The following DUOXA1 variants were observed in gnomAD, a reference collection of about 807,000 sequenced individuals.
DUOXA1 encodes dual oxidase maturation factor 1.
A neutral mutation model predicts 26.6 loss-of-function variants in DUOXA1; 19 were observed. The observed-to-expected ratio is 0.71, with a 90% CI of 0.50 to 1.05. The LOEUF (loss-of-function observed/expected upper bound fraction) is 1.05. DUOXA1 is among the 50% of genes least tolerant of loss of function. The probability of loss-of-function intolerance (pLI) is 0.00; values close to 1 mark genes in which losing one functional copy is unlikely to be tolerated. For synonymous variants in DUOXA1, 166 were observed against 177.0 expected, an observed-to-expected ratio of 0.94 and a Z score of 0.49; for missense variants, 403 against 427.5, an observed-to-expected ratio of 0.94 and a Z score of 0.51.
intron 8 of DUOXA1, among the ~76,000 whole-genome samples, chr15:45,119,633 G>T (rs1483314703): frequency 2.0e-5 from 3 of 152,014 alleles, no homozygotes; most frequent in African/African-American, 7.3e-5. Flanking sequence ...CTGAAAATAG[G>T]GAGAGAAAAG....
In DUOXA1 at chr15:45,124,508, T is replaced by TTTTG. The variant is rs1018447534; in HGVS notation, c.-29-1469_-29-1466dup. Among the ~76,000 whole-genome samples, 13 of 152,252 alleles carry TTTTG rather than the reference T, an allele frequency of 8.5e-5. No individual in the cohort carries two copies. In the South Asian group the frequency reaches 1.0e-3, roughly 12 times the overall value. On this transcript the variant is annotated intron_variant, in intron 3 of 8. Coordinates refer to ENST00000560572, the MANE Select transcript of DUOXA1 (RefSeq NM_001276266.2). Reference sequence around the variant, plus strand: ...TTTATTAAGTTCTTATGTTCCATTATTTTGTTTGTTTGTTTGTTTGAGACA... The same window carrying TTTTG: ...TTTATTAAGTTCTTATGTTCCATTATTTTGTTTGTTTGTTTGTTTGTTTGAGACA...
chr15:45,123,447 A>G (rs2470667), intron 3 of DUOXA1, among the ~76,000 whole-genome samples: 128,565 of 152,200 alleles, frequency 0.84, 57,120 homozygotes, highest in Non-Finnish European at 0.97. Context: ...GTGAAGGCAT[A>G]AGGTGAAAGA....
chr15:45,118,099 T>G lies in DUOXA1; in HGVS notation c.*1007A>C, dbSNP rs1285085406. ...AAATAAACCTTTTTTTCTTTTGTTTTTTAAAAACTGTTTTTCCCATTAATT... is the reference window on the plus strand; with the variant it reads ...AAATAAACCTTTTTTTCTTTTGTTTGTTAAAAACTGTTTTTCCCATTAATT... On this transcript the variant is annotated 3_prime_UTR_variant, in exon 9 of 9. Coordinates refer to ENST00000560572, the MANE Select transcript of DUOXA1 (RefSeq NM_001276266.2). The G allele has an allele frequency of 1.3e-6, 2 of 1,503,932 alleles. No individual in the cohort carries two copies. The highest frequency in any genetic ancestry group is 1.4e-5 in the African/African-American group (1 of 71,296). The allele number at this position is 1,503,932 out of a possible 1,614,324, so 93.2% of individuals were successfully genotyped here.
rs1294030955 is a variant in DUOXA1 at position 45,123,775 on chromosome 15, C to T, written c.-29-732G>A. Among the ~76,000 whole-genome samples the T allele has an allele frequency of 2.6e-5, 4 of 152,212 alleles. No homozygotes were observed. The East Asian group carries it at 5.8e-4, about 22-fold the overall frequency. ...GGCCCTTCTCTTTGATTCAAATTCCCAGGCCAAGTTTCAGCTCAAACGCTA... is the reference window on the plus strand; with the variant it reads ...GGCCCTTCTCTTTGATTCAAATTCCTAGGCCAAGTTTCAGCTCAAACGCTA... On this transcript the variant is annotated intron_variant, in intron 3 of 8. Transcript: ENST00000560572.
chr15:45,122,134 G>T, intron 5 of DUOXA1, 51 bp downstream of exon 5: 2 of 1,552,472 alleles, frequency 1.3e-6, no homozygotes, highest in Non-Finnish European at 8.7e-7. Context: ...GCTGCTGAGG[G>T]AGTTGAAGGG....
chr15:45,120,693 T>C lies in DUOXA1; in HGVS notation c.453A>G (p.Pro151=). ...TCTCAGCTAGGTACAACACAGGGTC[T>C]GGCAGCCCCTTCTCCAGAGCCTTTG... The part of the protein sequence containing the change: ...EYAKALEKGL[P]DPVLYLAEKF... Residue 151 remains proline, a synonymous_variant, in exon 7 of 9, where the codon CCA becomes CCG. Transcript: ENST00000560572. The C allele has an allele frequency of 1.2e-6, 2 of 1,614,164 alleles. No individual in the cohort carries two copies. The highest frequency in any genetic ancestry group is 1.7e-6 in the Non-Finnish European group (2 of 1,180,024).
intron 5 of DUOXA1, among the ~76,000 whole-genome samples, chr15:45,121,887 C>A (rs1317434376): frequency 6.6e-6 from 1 of 152,218 alleles, no homozygotes; most frequent in African/African-American, 2.4e-5. Flanking sequence ...CCCATTTCCT[C>A]CCTTCCTTTC....
At position 45,119,070 on chromosome 15, in the gene DUOXA1, G is replaced by A; in HGVS notation, c.*36C>T. On this transcript the variant is annotated 3_prime_UTR_variant, in exon 9 of 9. Coordinates refer to ENST00000560572, the MANE Select transcript of DUOXA1 (RefSeq NM_001276266.2). ...GGGGCGCCAATGAGGTTTGGAGCCA[G>A]ACTGGAAGTCCAGGTGGCCTCCACG... 1 of 1,543,464 alleles carries A rather than the reference G, an allele frequency of 6.5e-7. No homozygotes were observed. The highest frequency in any genetic ancestry group is 2.3e-5 in the East Asian group (1 of 43,916).
intron 3 of DUOXA1, among the ~76,000 whole-genome samples, chr15:45,128,131 A>C (rs1895825260): frequency 6.6e-6 from 1 of 152,218 alleles, no homozygotes; most frequent in Non-Finnish European, 1.5e-5. Flanking sequence ...TATTATAGAC[A>C]CAATTACCCA....
chr15:45,126,225 G>C (rs987833675), intron 3 of DUOXA1, among the ~76,000 whole-genome samples: 1 of 152,054 alleles, frequency 6.6e-6, no homozygotes, highest in Non-Finnish European at 1.5e-5. Flanking sequence ...TCTCTGCTCT[G>C]GCTAAAATCT....
At position 45,118,979 on chromosome 15, in the gene DUOXA1, T is replaced by G. The variant is rs1894876079; in HGVS notation, c.*127A>C. On this transcript the variant is annotated 3_prime_UTR_variant, in exon 9 of 9. Coordinates refer to ENST00000560572, the MANE Select transcript of DUOXA1 (RefSeq NM_001276266.2). Reference sequence around the variant, plus strand: ...AGTATATAGAGCCTCCTTTTTCTACTCCGTCTGTAGATTGGTGCTGGGTGT... The same window carrying G: ...AGTATATAGAGCCTCCTTTTTCTACGCCGTCTGTAGATTGGTGCTGGGTGT... The G allele has an allele frequency of 6.9e-7, 1 of 1,447,158 alleles. No individual in the cohort carries two copies. The highest frequency in any genetic ancestry group is 1.4e-5 in the African/African-American group (1 of 70,454). The allele number at this position is 1,447,158 out of a possible 1,614,324, so 89.6% of individuals were successfully genotyped here.
intron 3 of DUOXA1, among the ~76,000 whole-genome samples, chr15:45,128,211 C>T (rs1895832597): frequency 6.6e-6 from 1 of 152,200 alleles, no homozygotes; most frequent in East Asian, 1.9e-4. Flanking sequence ...CATAAAGTTA[C>T]AATCTTTAAG....
intron 3 of DUOXA1, among the ~76,000 whole-genome samples, chr15:45,125,407 C>T (rs145307577): frequency 1.3e-5 from 2 of 152,106 alleles, no homozygotes; most frequent in African/African-American, 2.4e-5. Context: ...AAAAAAAGAA[C>T]CTTCTCCCTT....
chr15:45,121,913 A>G (rs931655743), intron 5 of DUOXA1, among the ~76,000 whole-genome samples: 6 of 152,162 alleles, frequency 3.9e-5, no homozygotes, highest in African/African-American at 1.4e-4. Flanking sequence ...CCCTCTCCCC[A>G]CAGACATTCA....
At position 45,128,552 on chromosome 15, in the gene DUOXA1, T is replaced by C. The variant is rs185077654; in HGVS notation, c.-30+466A>G. On this transcript the variant is annotated intron_variant, in intron 3 of 8. Transcript: ENST00000560572. The stretch of plus-strand genomic sequence containing the variant: ...CAGGAACTCCTGTGCTAGACTTTCC[T>C]CTTCAAGGAAGGGGTCTGTGTGTAC... Among the ~76,000 whole-genome samples the C allele has an allele frequency of 1.6e-3, 247 of 152,350 alleles. No individual in the cohort carries two copies. The Middle Eastern group carries it at 0.034, about 21-fold the overall frequency.
rs142864395 is a variant in DUOXA1 at position 45,120,797 on chromosome 15, C to T, written c.349G>A (p.Val117Met). The T allele has an allele frequency of 3.7e-5, 60 of 1,614,078 alleles. No homozygotes were observed. In the African/African-American group the frequency reaches 5.3e-4, roughly 14 times the overall value. Residue 117 changes from valine (V) to methionine (M), a missense_variant, in exon 7 of 9, where the codon GTG becomes ATG. Coordinates refer to ENST00000560572, the MANE Select transcript of DUOXA1 (RefSeq NM_001276266.2). ...TTGATGGTCTCATTCAGCTGCTGCA[C>T]GGGGGTCCCTAGGGCACAAGGCAGC... ...GVNITLTGTP[V>M]QQLNETINYN...
chr15:45,128,936 G>T (rs944931408), intron 3 of DUOXA1, 82 bp downstream of exon 3: 2 of 152,152 alleles, frequency 1.3e-5, no homozygotes, highest in African/African-American at 4.8e-5. Context: ...AGCACTTCAA[G>T]ACCCCCTCCA....
At position 45,122,878 on chromosome 15, in the gene DUOXA1, C is replaced by T. The variant is rs745527033; in HGVS notation, c.137G>A (p.Arg46Gln). 7 of 1,609,072 alleles carry T rather than the reference C, an allele frequency of 4.4e-6. No individual in the cohort carries two copies. The highest frequency in any genetic ancestry group is 3.4e-5 in the Admixed American group (2 of 59,694). ...ATFIVILPGI[R>Q]GKTRLFWLLR... Reference sequence around the variant, plus strand: ...GACTGGGTTTCTCACCGTCTTTCCCCGAATGCCAGGCAGGATGACGATGAA... The same window carrying T: ...GACTGGGTTTCTCACCGTCTTTCCCTGAATGCCAGGCAGGATGACGATGAA... Residue 46 changes from arginine to glutamine, a missense_variant, in exon 4 of 9, where the codon CGG (arginine) becomes CAG (glutamine). Transcript: ENST00000560572.
Position 45,118,085 on chromosome 15 carries a change from T to G in DUOXA1, c.*1021A>C. ...CTGGGGCGATCTGTAAATAAACCTTTTTTTCTTTTGTTTTTTAAAAACTGT... is the reference window on the plus strand; with the variant it reads ...CTGGGGCGATCTGTAAATAAACCTTGTTTTCTTTTGTTTTTTAAAAACTGT... On this transcript the variant is annotated 3_prime_UTR_variant, in exon 9 of 9. Coordinates refer to ENST00000560572, the MANE Select transcript of DUOXA1 (RefSeq NM_001276266.2). The G allele has an allele frequency of 6.6e-7, 1 of 1,522,386 alleles. No homozygotes were observed. 94.3% of individuals were successfully genotyped at this position (1,522,386 alleles called of 1,614,324 possible).
Sources: gnomAD v4.1 joint callset for allele counts (sites outside exome capture counted in the v4.1 genomes callset) on GRCh38, gnomAD v4.1.1 for gene constraint, MANE v1.5 for transcripts, NCBI Gene and HGNC (gene_info 2026-07-23, HGNC 2026-07-21) for gene names.